The following NELL1 variants were observed in gnomAD, a reference collection of about 807,000 sequenced individuals.
NELL1 encodes protein kinase C-binding protein NELL1.
A neutral mutation model predicts 107.4 loss-of-function variants in NELL1; 76 were observed. The ratio of observed to expected loss-of-function variants is 0.71; its 90% CI spans 0.59 to 0.86. The LOEUF is 0.86. Among genes scored for constraint, NELL1 ranks in the 40% least tolerant of loss-of-function variants. NELL1 has a pLI of 0.00. For synonymous variants in NELL1, 353 were observed against 341.2 expected (o/e 1.03, Z -0.38); for missense variants, 1,024 against 1,005.5 (o/e 1.02, Z -0.25).
rs1442343693 is a variant in NELL1 at position 21,273,284 on chromosome 11, A to C, written c.1549+43830A>C. ...CAAGCCTCAGTAGCTGATTCAGTCA[A>C]CTGCAAGAAAGGGTATCAGTGATGG... is the stretch of plus-strand genomic sequence containing the variant. On this transcript the variant is annotated intron_variant, in intron 14 of 19. Coordinates refer to ENST00000357134, the MANE Select transcript of NELL1 (RefSeq NM_006157.5). 4.6e-5 allele frequency among the ~76,000 whole-genome samples: 7 copies of C among 152,262 alleles called. No homozygotes were observed. The East Asian group carries it at 1.3e-3, about 29-fold the overall frequency.
intron 15 of NELL1, among the ~76,000 whole-genome samples, chr11:21,390,988 T>C (rs1305450642): frequency 6.6e-6 from 1 of 151,728 alleles, no homozygotes; most frequent in African/African-American, 2.4e-5. Flanking sequence ...GTATTTATCC[T>C]TTTCTGGATT....
intron 16 of NELL1, among the ~76,000 whole-genome samples, chr11:21,553,822 T>G (rs1039796944): frequency 1.3e-5 from 2 of 151,796 alleles, no homozygotes; most frequent in Non-Finnish European, 2.9e-5. Context: ...CAAGAAAACA[T>G]AAAGCCAACA....
At chr11:21,234,082 A>G (rs1278911523) in intron 14 of NELL1, among the ~76,000 whole-genome samples, 1 of 152,204 alleles carries the variant, frequency 6.6e-6, no homozygotes, top group East Asian at 1.9e-4. Flanking sequence ...GAAAAGAATT[A>G]CCCAAAATAC....
At chr11:21,288,206 G>C (rs1849171824) in intron 14 of NELL1, among the ~76,000 whole-genome samples, 1 of 152,082 alleles carries the variant, frequency 6.6e-6, no homozygotes, top group African/African-American at 2.4e-5. Flanking sequence ...AACTGGAAGA[G>C]CTAATCTATT....
chr11:21,095,248 C>G (rs1018126454), intron 12 of NELL1, among the ~76,000 whole-genome samples: 5 of 152,186 alleles, frequency 3.3e-5, no homozygotes, highest in African/African-American at 1.2e-4. Flanking sequence ...CCATCTGAGA[C>G]CACCTCAGCC....
At chr11:20,973,190 C>A (rs1333978197) in intron 12 of NELL1, among the ~76,000 whole-genome samples, 2 of 148,458 alleles carry the variant, frequency 1.3e-5, no homozygotes, top group Non-Finnish European at 3.0e-5. Context: ...CTCACTGCAA[C>A]CTCCACCTCC....
Position 21,534,384 on chromosome 11 carries a change from A to G in NELL1, c.1656A>G (p.Glu552=). The part of the protein sequence containing the change: ...TGSHCEKDID[E]CSEGIIECHN... Reference sequence around the variant, plus strand: ...TTTTCTCTGAGGCAGATATTGATGAATGTTCAGAGGGAATCATTGAGTGCC... The same window carrying G: ...TTTTCTCTGAGGCAGATATTGATGAGTGTTCAGAGGGAATCATTGAGTGCC... The change falls in exon 16 of 20, where the codon GAA becomes GAG. Residue 552 remains glutamate (E), a synonymous_variant. Transcript: ENST00000357134. 6.2e-7 allele frequency: 1 copy of G among 1,613,810 alleles called. No individual in the cohort carries two copies. The highest frequency in any genetic ancestry group is 8.5e-7 in the Non-Finnish European group (1 of 1,179,788).
At chr11:21,423,986 A>T (rs79257326) in intron 15 of NELL1, among the ~76,000 whole-genome samples, 6,511 of 152,336 alleles carry the variant, frequency 0.043, 291 homozygotes, top group East Asian at 0.17. Flanking sequence ...TAGGGGGAAA[A>T]TTTAGAGCTA....
At chr11:21,103,333 G>A (rs2133709072) in intron 12 of NELL1, among the ~76,000 whole-genome samples, 1 of 152,268 alleles carries the variant, frequency 6.6e-6, no homozygotes, top group South Asian at 2.1e-4. Flanking sequence ...CCAAGTAACT[G>A]TGGGAAATTG....
At chr11:21,352,741 G>A (rs114745793) in intron 14 of NELL1, among the ~76,000 whole-genome samples, 192 of 152,146 alleles carry the variant, frequency 1.3e-3, no homozygotes, top group African/African-American at 3.9e-3. Flanking sequence ...CTTTTCTTAC[G>A]TGAGCTCTCT....
chr11:21,573,547 G>T (rs1857153655), intron 19 of NELL1, 138 bp downstream of exon 19: 2 of 737,666 alleles, frequency 2.7e-6, no homozygotes, highest in Non-Finnish European at 4.5e-6. Context: ...CTTCTCATAG[G>T]AATTTAATAT....
At chr11:21,176,045 A>G (rs1856705562) in intron 13 of NELL1, among the ~76,000 whole-genome samples, 1 of 151,692 alleles carries the variant, frequency 6.6e-6, no homozygotes, top group Non-Finnish European at 1.5e-5. Context: ...ATACCCTACT[A>G]TTTCCTTCCT....
chr11:21,455,284 T>A (rs10833536), intron 15 of NELL1, among the ~76,000 whole-genome samples: 106,968 of 145,406 alleles, frequency 0.74, 41,536 homozygotes, highest in South Asian at 0.89. Context: ...GACTTTTTTT[T>A]ATCTGGTGGC....
At chr11:21,317,763 T>G (rs1849911543) in intron 14 of NELL1, among the ~76,000 whole-genome samples, 1 of 152,124 alleles carries the variant, frequency 6.6e-6, no homozygotes. Context: ...GTTTGTGATT[T>G]GTGTGACTGT....
chr11:20,914,736 A>T (rs1850208438), intron 5 of NELL1, among the ~76,000 whole-genome samples: 1 of 152,026 alleles, frequency 6.6e-6, no homozygotes, highest in African/African-American at 2.4e-5. Context: ...GTAGCCCTGT[A>T]GTATATAGCC....
chr11:20,927,535 T>A, intron 8 of NELL1, 93 bp downstream of exon 8: 1 of 1,240,610 alleles, frequency 8.1e-7, no homozygotes, highest in Non-Finnish European at 1.1e-6. Context: ...TAAATAATAT[T>A]AACTCTGAGA....
At chr11:20,721,109 T>C (rs1365696614) in intron 2 of NELL1, among the ~76,000 whole-genome samples, 2 of 149,978 alleles carry the variant, frequency 1.3e-5, no homozygotes, top group African/African-American at 5.0e-5. Flanking sequence ...CAGTCTAGCT[T>C]CCAACAATAC....
At chr11:21,236,561 C>A (rs1234556747) in intron 14 of NELL1, among the ~76,000 whole-genome samples, 1 of 152,058 alleles carries the variant, frequency 6.6e-6, no homozygotes, top group Non-Finnish European at 1.5e-5. Flanking sequence ...AAAATTTATT[C>A]TATTTTATGT....
chr11:20,678,729 G>A (rs1379214064), intron 2 of NELL1, among the ~76,000 whole-genome samples: 1 of 152,102 alleles, frequency 6.6e-6, no homozygotes, highest in Non-Finnish European at 1.5e-5. Flanking sequence ...AATGGTGGAA[G>A]GGATGGAAAG....
Sources: gnomAD v4.1 joint callset for allele counts (sites outside exome capture counted in the v4.1 genomes callset) on GRCh38, gnomAD v4.1.1 for gene constraint, MANE v1.5 for transcripts, NCBI Gene and HGNC (gene_info 2026-07-23, HGNC 2026-07-21) for gene names.